CALB2: variants seen among roughly 807,000 people sequenced by gnomAD.
CALB2 encodes the protein calbindin 2.
A neutral mutation model predicts 45.9 loss-of-function variants in CALB2; 34 were observed. That is an observed-to-expected ratio of 0.74 (90% CI 0.56 to 0.99). The LOEUF is 0.99. Ranked by LOEUF, CALB2 falls within the 50% of genes least tolerant of loss-of-function variation. CALB2 has a pLI of 0.00. For missense variants in CALB2, 344 were observed against 339.3 expected (o/e 1.01, Z -0.11); for synonymous variants, 142 against 129.6 (o/e 1.10, Z -0.65).
intron 2 of CALB2, among the ~76,000 whole-genome samples, chr16:71,374,117 A>C (rs1395254974): frequency 6.6e-6 from 1 of 152,238 alleles, no homozygotes; most frequent in Non-Finnish European, 1.5e-5. Flanking sequence ...CTTCAAGTCT[A>C]TATTTAAGAT....
rs1193257777 is a variant in CALB2, at chr16:71,382,583, A to G, written c.343-136A>G. ...TGTGACCTTGAAGGGTCTGGGCTAC[A>G]TCATCTCCATGTCTCCATCCCATTC... is the stretch of plus-strand genomic sequence containing the variant. On this transcript the variant is annotated intron_variant, in intron 4 of 10. Transcript: ENST00000302628. 1.5e-5 allele frequency: 12 copies of G among 798,004 alleles called. No individual in the cohort carries two copies. In the Admixed American group the frequency reaches 2.7e-4, roughly 18 times the overall value. 49.4% of individuals were successfully genotyped at this position (798,004 alleles called of 1,614,324 possible).
chr16:71,384,335 C>T lies in CALB2; in HGVS notation c.534-4C>T, dbSNP rs755414259. 5 of 1,613,160 alleles carry T rather than the reference C, an allele frequency of 3.1e-6. No individual in the cohort carries two copies. Among genetic ancestry groups the T allele is most frequent in the Non-Finnish European group, 4.2e-6 (5 of 1,179,416 alleles). On this transcript the variant is annotated splice_polypyrimidine_tract_variant and splice_region_variant and intron_variant, in intron 7 of 10. Transcript: ENST00000302628. ...TCATCTCTGCTCTAACATTTTCTCC[C>T]CAGACTCCTGCCTGTCCAGGAAAAC...
chr16:71,375,805 G>A (rs1012808453), intron 3 of CALB2, among the ~76,000 whole-genome samples: 7 of 152,242 alleles, frequency 4.6e-5, no homozygotes, highest in Non-Finnish European at 7.3e-5. Flanking sequence ...GTGCCACAGA[G>A]TGGGTCCCAC....
At chr16:71,384,599 A>G (rs940656600) in intron 8 of CALB2, among the ~76,000 whole-genome samples, 184 bp from the exon 9 acceptor site, 1 of 55,198 alleles carries the variant, frequency 1.8e-5, no homozygotes, top group African/African-American at 4.7e-5. Flanking sequence ...CACACACTAC[A>G]TATCACACGC....
intron 2 of CALB2, among the ~76,000 whole-genome samples, chr16:71,373,964 A>G (rs1434509256): frequency 6.6e-6 from 1 of 152,256 alleles, no homozygotes; most frequent in Non-Finnish European, 1.5e-5. Context: ...TGGGGAGCAC[A>G]CAATTCATGT....
At chr16:71,362,810 T>C in intron 1 of CALB2, among the ~76,000 whole-genome samples, 1 of 152,240 alleles carries the variant, frequency 6.6e-6, no homozygotes, top group East Asian at 1.9e-4. Flanking sequence ...TCTTTTACTT[T>C]CTAAGTTAAT....
intron 1 of CALB2, 72 bp downstream of exon 1, chr16:71,358,958 G>A (rs1166519444): frequency 6.8e-6 from 9 of 1,319,846 alleles, no homozygotes; most frequent in Non-Finnish European, 5.3e-6. Flanking sequence ...AGGGGGCGGC[G>A]CTGAATGCGG....
chr16:71,366,512 G>A (rs772974974), intron 1 of CALB2, among the ~76,000 whole-genome samples: 1 of 150,930 alleles, frequency 6.6e-6, no homozygotes, highest in Non-Finnish European at 1.5e-5. Context: ...TGTATTTTTA[G>A]TAGAGATGGG....
chr16:71,373,071 G>C (rs1054684096), intron 2 of CALB2, among the ~76,000 whole-genome samples: 1 of 152,112 alleles, frequency 6.6e-6, no homozygotes, highest in Non-Finnish European at 1.5e-5. Flanking sequence ...AAGCCTTTTG[G>C]GGGAGGTATT....
chr16:71,380,345 G>A lies in CALB2; in HGVS notation c.343-2374G>A, dbSNP rs1449180412. On this transcript the variant is annotated intron_variant, in intron 4 of 10. Transcript: ENST00000302628. ...TTTTTTTTGAGACGGAGTTTCGCTCGTTGCCCAGCCTGGAGTGCAATGGTG... is the reference window on the plus strand; with the variant it reads ...TTTTTTTTGAGACGGAGTTTCGCTCATTGCCCAGCCTGGAGTGCAATGGTG... Among the ~76,000 whole-genome samples the A allele has an allele frequency of 4.8e-5, 5 of 104,958 alleles. No homozygotes were observed. The South Asian group carries it at 1.0e-3, about 21-fold the overall frequency. The allele number at this position is 104,958 out of a possible 152,430, so 68.9% of individuals were successfully genotyped here. A position where few individuals can be genotyped will look rare whatever the true frequency, so the allele number is the denominator to read the frequency against.
chr16:71,377,989 G>A lies in CALB2; in HGVS notation c.342+242G>A, dbSNP rs1341828503. ...TGTAACCCCAGCACTTTGGGAGGCC[G>A]AGGCAGGCGGATCACCTGAGGTCAG... On this transcript the variant is annotated intron_variant, in intron 4 of 10. Transcript: ENST00000302628. Among the ~76,000 whole-genome samples the A allele has an allele frequency of 3.3e-5, 5 of 152,204 alleles. No homozygotes were observed. The South Asian group carries it at 8.3e-4, about 25-fold the overall frequency.
At chr16:71,389,442 C>A in intron 10 of CALB2, 1 of 515,894 alleles carries the variant, frequency 1.9e-6, no homozygotes, top group Non-Finnish European at 3.8e-6. Context: ...ATATTCATTC[C>A]CTCACGTAAT....
rs140193523 is a variant in CALB2, at chr16:71,379,232, G to A, written c.342+1485G>A. Among the ~76,000 whole-genome samples the A allele has an allele frequency of 7.7e-3, 1,165 of 151,930 alleles. 13 individuals carry two copies. The highest frequency in any genetic ancestry group is 0.026 in the African/African-American group (1,075 of 41,458). On this transcript the variant is annotated intron_variant, in intron 4 of 10. Transcript: ENST00000302628. ...GCAGAGGTTGCAGTGAGCCAAGATC[G>A]TGCCACTGCACTCCAGCCTGGGCGA...
intron 7 of CALB2, 38 bp downstream of exon 7, chr16:71,384,063 C>T (rs2042534964): frequency 1.3e-6 from 2 of 1,596,380 alleles, no homozygotes; most frequent in South Asian, 1.1e-5. Context: ...ATACTGGCTC[C>T]CACAGGTCAT....
chr16:71,390,132 C>A lies in CALB2; in HGVS notation c.*267C>A, dbSNP rs1402733708. 20 of 413,526 alleles carry A rather than the reference C, an allele frequency of 4.8e-5. No homozygotes were observed. The highest frequency in any genetic ancestry group is 6.6e-5 in the Non-Finnish European group (15 of 227,834). The allele number at this position is 413,526 out of a possible 1,614,324, so 25.6% of individuals were successfully genotyped here. A position where few individuals can be genotyped will look rare whatever the true frequency, so the allele number is the denominator to read the frequency against. On this transcript the variant is annotated 3_prime_UTR_variant, in exon 11 of 11. Coordinates refer to ENST00000302628, the MANE Select transcript of CALB2 (RefSeq NM_001740.5). ...GGGCATGGGTGGAGGGTCCCTAATT[C>A]TCTTCGCTGTGATGCATGAGCTCCC...
chr16:71,389,292 C>T (rs1431681184), intron 10 of CALB2, among the ~76,000 whole-genome samples: 1 of 152,178 alleles, frequency 6.6e-6, no homozygotes, highest in African/African-American at 2.4e-5. Flanking sequence ...CTGGCATTCT[C>T]TTCATCACCT....
chr16:71,378,565 G>T (rs749214408), intron 4 of CALB2, among the ~76,000 whole-genome samples: 7 of 151,992 alleles, frequency 4.6e-5, no homozygotes, highest in Non-Finnish European at 1.0e-4. Flanking sequence ...ACAAAAAAAA[G>T]GTAGACAGAC....
At position 71,377,760 on chromosome 16, in the gene CALB2, C is replaced by G. The variant is rs1367290281; in HGVS notation, c.342+13C>G. 6.2e-7 allele frequency: 1 copy of G among 1,604,076 alleles called. No individual in the cohort carries two copies. Among genetic ancestry groups the G allele is most frequent in the African/African-American group, 1.3e-5 (1 of 74,836 alleles). ...CGAGTTTATGGAGGTGAGGCCAAGG[C>G]ACCACCTTCTTTCTAAGCACTGGGA... On this transcript the variant is annotated intron_variant, in intron 4 of 10. Transcript: ENST00000302628.
At chr16:71,389,113 G>A (rs895649213) in intron 10 of CALB2, among the ~76,000 whole-genome samples, 1 of 151,888 alleles carries the variant, frequency 6.6e-6, no homozygotes, top group Non-Finnish European at 1.5e-5. Flanking sequence ...GCTTGAACCC[G>A]GGAGGCAGAG....
Sources: gnomAD v4.1 joint callset for allele counts (sites outside exome capture counted in the v4.1 genomes callset) on GRCh38, gnomAD v4.1.1 for gene constraint, MANE v1.5 for transcripts, NCBI Gene and HGNC (gene_info 2026-07-23, HGNC 2026-07-21) for gene names.